Variants in CRACD observed in about 807,000 individuals in gnomAD.
CRACD encodes the protein capping protein-inhibiting regulator of actin dynamics.
In CRACD, 56 loss-of-function variants were observed where a neutral mutation model predicts 106.8. The observed-to-expected ratio is 0.52, with a 90% CI of 0.42 to 0.66. CRACD has a LOEUF of 0.66. CRACD is among the 30% of genes least tolerant of loss of function. The probability of loss-of-function intolerance (pLI) is 0.00; values close to 1 mark genes in which losing one functional copy is unlikely to be tolerated. For synonymous variants in CRACD, 754 were observed against 670.8 expected (o/e 1.12, Z -1.92); for missense variants, 1,730 against 1,623.2 (o/e 1.07, Z -1.13).
At chr4:56,175,834 G>C (rs558194175) in intron 1 of CRACD, among the ~76,000 whole-genome samples, 1 of 152,122 alleles carries the variant, frequency 6.6e-6, no homozygotes, top group African/African-American at 2.4e-5. Context: ...GTGCCTTTGA[G>C]GTCTTACTCA....
chr4:56,183,809 G>A (rs545710894), intron 2 of CRACD, among the ~76,000 whole-genome samples: 1 of 152,282 alleles, frequency 6.6e-6, no homozygotes, highest in African/African-American at 2.4e-5. Flanking sequence ...AAGTGAAAGG[G>A]GAAGGTGTCA....
At chr4:56,192,224 T>A (rs1056775814) in intron 2 of CRACD, among the ~76,000 whole-genome samples, 3 of 151,860 alleles carry the variant, frequency 2.0e-5, no homozygotes, top group Non-Finnish European at 2.9e-5. Flanking sequence ...AAACCCCATC[T>A]CTCCTAAAAA....
intron 1 of CRACD, among the ~76,000 whole-genome samples, chr4:56,080,366 A>G (rs1305554628): frequency 6.6e-6 from 1 of 152,172 alleles, no homozygotes; most frequent in Non-Finnish European, 1.5e-5. Flanking sequence ...TGATGTCCAT[A>G]AACCATTTTA....
At chr4:56,231,527 A>T (rs1739616614) in intron 2 of CRACD, among the ~76,000 whole-genome samples, 1 of 152,202 alleles carries the variant, frequency 6.6e-6, no homozygotes, top group Admixed American at 6.5e-5. Context: ...TCACTGAGAC[A>T]TGCTGTAGAG....
chr4:56,119,242 TAGTTTAGAA>T (rs1257083847), intron 1 of CRACD, among the ~76,000 whole-genome samples: 3 of 152,196 alleles, frequency 2.0e-5, no homozygotes, highest in Admixed American at 6.5e-5. Flanking sequence ...TAGGAATCTA[TAGTTTAGAA>T]AGTTTTAGAC....
intron 1 of CRACD, among the ~76,000 whole-genome samples, chr4:56,094,020 T>C (rs1360042614): frequency 6.6e-6 from 1 of 152,208 alleles, no homozygotes; most frequent in Non-Finnish European, 1.5e-5. Context: ...TGTTAGATAG[T>C]CACTAGAAGT....
At chr4:56,057,631 T>G (rs1430005516) in intron 1 of CRACD, among the ~76,000 whole-genome samples, 2 of 149,660 alleles carry the variant, frequency 1.3e-5, no homozygotes, top group East Asian at 2.0e-4. Context: ...TTGGGTTTTT[T>G]TTTTTTTTTT....
chr4:56,293,866 A>G (rs533737331), intron 3 of CRACD, among the ~76,000 whole-genome samples: 1 of 152,316 alleles, frequency 6.6e-6, no homozygotes, highest in South Asian at 2.1e-4. Context: ...TCCAAACCAT[A>G]TCAGTAGATC....
At chr4:56,051,149 T>C (rs11938852) in intron 1 of CRACD, among the ~76,000 whole-genome samples, 55,305 of 152,086 alleles carry the variant, frequency 0.36, 11,518 homozygotes, top group African/African-American at 0.57. Flanking sequence ...TTTTGTGGTC[T>C]GTATTTCTGA....
chr4:56,211,252 G>A (rs1560485161), intron 2 of CRACD, among the ~76,000 whole-genome samples: 1 of 152,198 alleles, frequency 6.6e-6, no homozygotes, highest in Non-Finnish European at 1.5e-5. Flanking sequence ...TTGAATAGGG[G>A]CTGAGTAAAA....
intron 2 of CRACD, among the ~76,000 whole-genome samples, chr4:56,264,589 T>G (rs1006553194): frequency 1.3e-5 from 2 of 152,180 alleles, no homozygotes; most frequent in African/African-American, 4.8e-5. Flanking sequence ...ACACACATGC[T>G]TTACAAACAA....
intron 1 of CRACD, among the ~76,000 whole-genome samples, chr4:56,108,941 G>A (rs1734033519): frequency 6.6e-6 from 1 of 152,198 alleles, no homozygotes; most frequent in Admixed American, 6.5e-5. Context: ...CACAGGGAGG[G>A]GTTTAGGCCT....
intron 8 of CRACD, among the ~76,000 whole-genome samples, chr4:56,317,106 TAG>T (rs1745725767): frequency 6.6e-6 from 1 of 152,204 alleles, no homozygotes. Flanking sequence ...ATGCCTATGT[TAG>T]ATACTAGGGA....
chr4:56,232,206 A>G (rs28566616), intron 2 of CRACD, among the ~76,000 whole-genome samples: 68,316 of 151,926 alleles, frequency 0.45, 15,954 homozygotes, highest in Non-Finnish European at 0.51. Flanking sequence ...ATTTTATATA[A>G]TGGTATCATA....
At chr4:56,326,097 A>G (rs1439494361) in intron 10 of CRACD, among the ~76,000 whole-genome samples, 1 of 152,190 alleles carries the variant, frequency 6.6e-6, no homozygotes, top group Non-Finnish European at 1.5e-5. Flanking sequence ...TTTTTAGCAG[A>G]GACAGGGTTT....
In CRACD at chr4:56,146,753, T is replaced by G. The variant is rs368748621; in HGVS notation, c.-335-32531T>G. ...TACACTATGCATTTGCCTTAAAGTG[T>G]GTAATTCAATGATTTTTAATCTATT... On this transcript the variant is annotated intron_variant, in intron 1 of 10. Transcript: ENST00000682029. Among the ~76,000 whole-genome samples the G allele has an allele frequency of 6.6e-5, 10 of 152,330 alleles. No homozygotes were observed. The East Asian group carries it at 7.7e-4, about 12-fold the overall frequency.
intron 2 of CRACD, among the ~76,000 whole-genome samples, chr4:56,262,592 A>C (rs1560507550): frequency 6.6e-6 from 1 of 152,194 alleles, no homozygotes; most frequent in Non-Finnish European, 1.5e-5. Context: ...TTCTTCTTCC[A>C]GTGTGGCCCA....
intron 5 of CRACD, among the ~76,000 whole-genome samples, chr4:56,309,417 G>A (rs1183728305): frequency 6.6e-6 from 1 of 152,148 alleles, no homozygotes; most frequent in Non-Finnish European, 1.5e-5. Flanking sequence ...GGCAATACAG[G>A]ATAGATGGTG....
At chr4:56,289,718 G>A (rs979234795) in intron 3 of CRACD, among the ~76,000 whole-genome samples, 1 of 151,862 alleles carries the variant, frequency 6.6e-6, no homozygotes, top group Non-Finnish European at 1.5e-5. Context: ...AGTAAAACTG[G>A]TATATCCTCT....
Sources: allele counts gnomAD v4.1 joint callset (sites outside exome capture counted in the v4.1 genomes callset), GRCh38; gene constraint gnomAD v4.1.1; transcripts MANE v1.5; gene names NCBI Gene and HGNC (gene_info 2026-07-23, HGNC 2026-07-21).